The following UMAD1 variants were observed in gnomAD, a reference collection of about 807,000 sequenced individuals.
UMAD1 encodes the protein UBAP1-MVB12-associated (UMA)-domain containing protein 1.
UMAD1 carries 8 observed loss-of-function variants against 6.1 expected under a neutral mutation model. The observed-to-expected ratio is 1.30, with a 90% CI of 0.76 to 2.35. The LOEUF is 2.35. Among genes scored for constraint, UMAD1 ranks in the 30% most tolerant of loss-of-function variants. The pLI is 0.00. For missense variants in UMAD1, 130 were observed against 78.4 expected (o/e 1.66, Z -2.49); for synonymous variants, 56 against 31.4 (o/e 1.78, Z -2.61).
intron 2 of UMAD1, among the ~76,000 whole-genome samples, chr7:7,681,197 G>C (rs1464731038): frequency 1.3e-5 from 2 of 152,096 alleles, no homozygotes; most frequent in African/African-American, 4.8e-5. Flanking sequence ...AGAAAGGTCA[G>C]AGTAAATTAT....
At chr7:7,709,579 TA>T (rs1780697663) in intron 2 of UMAD1, among the ~76,000 whole-genome samples, 1 of 152,256 alleles carries the variant, frequency 6.6e-6, no homozygotes, top group Non-Finnish European at 1.5e-5. Flanking sequence ...GCTTGTGGGA[TA>T]AGAATGGTTT....
At chr7:7,649,535 C>T (rs1223179992) in intron 1 of UMAD1, among the ~76,000 whole-genome samples, 7 of 152,176 alleles carry the variant, frequency 4.6e-5, no homozygotes, top group Admixed American at 3.3e-4. Context: ...GGATTAATTT[C>T]CACGTCAGTT....
At chr7:7,708,625 T>G (rs1780669390) in intron 2 of UMAD1, among the ~76,000 whole-genome samples, 1 of 152,176 alleles carries the variant, frequency 6.6e-6, no homozygotes, top group African/African-American at 2.4e-5. Flanking sequence ...ACCTCAAAAA[T>G]AGAAGCAAAT....
chr7:7,744,241 A>C (rs915562531), intron 2 of UMAD1, among the ~76,000 whole-genome samples: 2 of 152,160 alleles, frequency 1.3e-5, no homozygotes, highest in African/African-American at 4.8e-5. Flanking sequence ...GTTGGAGCAG[A>C]TATCATTACT....
At position 7,790,635 on chromosome 7, in the gene UMAD1, A is replaced by T. The variant is rs137938204; in HGVS notation, c.83-11035A>T. On this transcript the variant is annotated intron_variant, in intron 2 of 3. Coordinates refer to ENST00000682710, the MANE Select transcript of UMAD1 (RefSeq NM_001302348.2). The stretch of plus-strand genomic sequence containing the variant: ...TGTTTAGGCTTACCTGAGTTCTTAA[A>T]GGGACCAAATCTCTTTCCTGATACG... Among the ~76,000 whole-genome samples the T allele has an allele frequency of 1.9e-4, 29 of 152,302 alleles. No individual in the cohort carries two copies. The South Asian group carries it at 4.8e-3, about 25-fold the overall frequency.
intron 3 of UMAD1, among the ~76,000 whole-genome samples, chr7:7,834,105 C>G (rs1241359642): frequency 7.0e-6 from 1 of 143,258 alleles, no homozygotes; most frequent in Non-Finnish European, 1.5e-5. Flanking sequence ...TCACTGCAAA[C>G]TCTGCCTCTG....
chr7:7,785,254 A>G (rs116833918), intron 2 of UMAD1, among the ~76,000 whole-genome samples: 3,395 of 152,314 alleles, frequency 0.022, 122 homozygotes, highest in African/African-American at 0.078. Flanking sequence ...TAAGAAGTCA[A>G]TCATTCATTT....
intron 3 of UMAD1, among the ~76,000 whole-genome samples, chr7:7,828,084 C>G (rs1051519024): frequency 1.3e-5 from 2 of 152,184 alleles, no homozygotes; most frequent in African/African-American, 4.8e-5. Flanking sequence ...CTTTGTCATT[C>G]ACCACTACCA....
chr7:7,829,996 T>G (rs1435828060), intron 3 of UMAD1, among the ~76,000 whole-genome samples: 1 of 152,134 alleles, frequency 6.6e-6, no homozygotes. Flanking sequence ...TACTACAGAG[T>G]CTTCCGACAA....
At chr7:7,847,103 AAATATATAT>A (rs1421060617) in intron 3 of UMAD1, among the ~76,000 whole-genome samples, 4 of 20,760 alleles carry the variant, frequency 1.9e-4, no homozygotes, top group Admixed American at 5.9e-4. Context: ...AAAAAAAAAA[AAATATATAT>A]ATATATATAT....
At chr7:7,709,950 T>G (rs1583761550) in intron 2 of UMAD1, among the ~76,000 whole-genome samples, 2 of 152,166 alleles carry the variant, frequency 1.3e-5, no homozygotes, top group East Asian at 1.9e-4. Flanking sequence ...TCTGCTTTTT[T>G]GGGGTCTCTT....
intron 1 of UMAD1, among the ~76,000 whole-genome samples, chr7:7,656,039 T>G (rs543646697): frequency 4.6e-5 from 7 of 152,250 alleles, no homozygotes; most frequent in Admixed American, 4.6e-4. Context: ...TTCTCCATGT[T>G]GGTCAGGCTG....
chr7:7,825,455 A>G (rs1410778966), intron 3 of UMAD1, among the ~76,000 whole-genome samples: 1 of 152,186 alleles, frequency 6.6e-6, no homozygotes, highest in Non-Finnish European at 1.5e-5. Flanking sequence ...CCTCACAATC[A>G]TGGTGGAAGG....
chr7:7,869,542 T>G (rs1291591993), intron 3 of UMAD1, among the ~76,000 whole-genome samples: 1 of 152,230 alleles, frequency 6.6e-6, no homozygotes, highest in African/African-American at 2.4e-5. Flanking sequence ...TAAGGCTGGT[T>G]TCTAAATTTT....
chr7:7,749,290 T>C (rs939774882), intron 2 of UMAD1, among the ~76,000 whole-genome samples: 2 of 152,202 alleles, frequency 1.3e-5, no homozygotes, highest in Non-Finnish European at 2.9e-5. Context: ...AGGACTCTTT[T>C]CTAGGTTTTT....
At chr7:7,772,200 G>C (rs975208959) in intron 2 of UMAD1, among the ~76,000 whole-genome samples, 1 of 152,136 alleles carries the variant, frequency 6.6e-6, no homozygotes, top group Non-Finnish European at 1.5e-5. Flanking sequence ...TTGTGTTTTA[G>C]TTGCAAAATG....
At chr7:7,664,511 G>A (rs1030219635) in intron 1 of UMAD1, among the ~76,000 whole-genome samples, 8 of 152,278 alleles carry the variant, frequency 5.3e-5, no homozygotes, top group African/African-American at 1.7e-4. Context: ...TTCTTTTGCA[G>A]TCTTGATTTC....
At chr7:7,837,879 G>C (rs1410559930) in intron 3 of UMAD1, among the ~76,000 whole-genome samples, 1 of 152,074 alleles carries the variant, frequency 6.6e-6, no homozygotes, top group Non-Finnish European at 1.5e-5. Flanking sequence ...TTGAGAAATA[G>C]GGTGACATAA....
chr7:7,675,386 T>A (rs939760440), intron 2 of UMAD1, among the ~76,000 whole-genome samples: 2 of 152,184 alleles, frequency 1.3e-5, no homozygotes, highest in Non-Finnish European at 2.9e-5. Flanking sequence ...CTCCTGGTGC[T>A]GCTAAGATCT....
Sources: allele counts gnomAD v4.1 joint callset (sites outside exome capture counted in the v4.1 genomes callset), GRCh38; gene constraint gnomAD v4.1.1; transcripts MANE v1.5; gene names NCBI Gene and HGNC (gene_info 2026-07-23, HGNC 2026-07-21).